FBN2: variants seen among roughly 807,000 people sequenced by gnomAD.
FBN2 encodes fibrillin-2.
Under a neutral mutation model 355.6 loss-of-function variants are expected in FBN2, and 105 were observed. The ratio of observed to expected loss-of-function variants is 0.30; its 90% CI spans 0.25 to 0.35. The LOEUF (loss-of-function observed/expected upper bound fraction) is 0.35. FBN2 is among the 10% of genes least tolerant of loss of function. The probability of loss-of-function intolerance (pLI) is 1.00; values close to 1 mark genes in which losing one functional copy is unlikely to be tolerated. For missense variants in FBN2, 3,280 were observed against 3,758.7 expected (o/e 0.87, Z 3.33); for synonymous variants, 1,350 against 1,301.2 (o/e 1.04, Z -0.81).
chr5:128,373,370 C>A (rs1385116061), intron 15 of FBN2, among the ~76,000 whole-genome samples: 2 of 152,150 alleles, frequency 1.3e-5, no homozygotes, highest in African/African-American at 4.8e-5. Flanking sequence ...TGAAATATCC[C>A]TGAACAAAGT....
At chr5:128,434,246 GA>G (rs1005316982) in intron 7 of FBN2, among the ~76,000 whole-genome samples, 2 of 151,206 alleles carry the variant, frequency 1.3e-5, no homozygotes, top group Admixed American at 1.3e-4. Flanking sequence ...GATTAAGAAA[GA>G]AAGACAATTC....
At chr5:128,442,548 G>C (rs541323457) in intron 7 of FBN2, among the ~76,000 whole-genome samples, 11 of 152,232 alleles carry the variant, frequency 7.2e-5, no homozygotes, top group African/African-American at 2.6e-4. Flanking sequence ...CCTTCTCTTT[G>C]CATGTGAAGA....
intron 48 of FBN2, among the ~76,000 whole-genome samples, chr5:128,297,253 C>T (rs191872687): frequency 3.0e-3 from 460 of 152,200 alleles, no homozygotes; most frequent in Middle Eastern, 6.8e-3. Flanking sequence ...AGCTTTACTT[C>T]CAAGTATGTG....
chr5:128,425,590 ATTAAT>A (rs1216180788), intron 7 of FBN2, among the ~76,000 whole-genome samples: 2 of 152,176 alleles, frequency 1.3e-5, no homozygotes, highest in African/African-American at 2.4e-5. Context: ...CAGTAAGAAC[ATTAAT>A]TTAAGAAGTA....
chr5:128,382,905 A>G (rs541465032), intron 11 of FBN2, among the ~76,000 whole-genome samples: 1 of 152,226 alleles, frequency 6.6e-6, no homozygotes, highest in East Asian at 1.9e-4. Context: ...CTTTGCACTA[A>G]GAAAATAGGG....
chr5:128,267,108 G>A (rs1015845441), intron 62 of FBN2, among the ~76,000 whole-genome samples: 17 of 152,154 alleles, frequency 1.1e-4, no homozygotes, highest in South Asian at 2.1e-4. Context: ...AGTTTGCTGC[G>A]GATGATGATT....
Position 128,307,139 on chromosome 5 carries a change from A to C in FBN2, c.5418T>G (p.Ala1806=). The change falls in exon 42 of 65, where the codon GCT becomes GCG. Residue 1806 remains alanine, a synonymous_variant. Transcript: ENST00000262464. The stretch of plus-strand genomic sequence containing the variant: ...ACATAATCTGGAAAAACTCACCAAC[A>C]GCTTTTCCTGTGTGAATGTCAAAGG... ...GFTFDIHTGK[A]VDIDECKEIP... The C allele has an allele frequency of 1.2e-6, 2 of 1,603,236 alleles. No homozygotes were observed. Among genetic ancestry groups the C allele is most frequent in the South Asian group, 2.2e-5 (2 of 90,818 alleles).
At chr5:128,524,549 A>G (rs1291651678) in intron 4 of FBN2, among the ~76,000 whole-genome samples, 1 of 152,206 alleles carries the variant, frequency 6.6e-6, no homozygotes, top group African/African-American at 2.4e-5. Flanking sequence ...CCAGGAAAGC[A>G]GCTAAGCAGT....
In FBN2 at chr5:128,335,212, A is replaced by G. The variant is rs1235584600; in HGVS notation, c.3931T>C (p.Tyr1311His). ...TCCATGGAAGCCATGAAGCCATCAT[A>G]GCAGAGGCAGCGATACTCTCCAGGA... ...NIPGEYRCLC[Y>H]DGFMASMDMK... The change falls in exon 30 of 65, where the codon TAT becomes CAT. Residue 1311 changes from tyrosine (Y) to histidine (H), a missense_variant. Around this residue, in one of 6 missense-constraint regions of FBN2, gnomAD observed 2,284 missense variants for 2,749.5 expected, o/e 0.83. Transcript: ENST00000262464. The G allele has an allele frequency of 6.2e-7, 1 of 1,614,184 alleles. No individual in the cohort carries two copies. Among genetic ancestry groups the G allele is most frequent in the Admixed American group, 1.7e-5 (1 of 60,014 alleles).
chr5:128,439,996 A>G (rs1753875570), intron 7 of FBN2, among the ~76,000 whole-genome samples: 2 of 152,202 alleles, frequency 1.3e-5, no homozygotes, highest in South Asian at 2.1e-4. Context: ...TCATCTCAAC[A>G]TGATTCACTG....
chr5:128,492,153 T>G (rs972440831), intron 5 of FBN2, among the ~76,000 whole-genome samples: 1 of 152,174 alleles, frequency 6.6e-6, no homozygotes, highest in Non-Finnish European at 1.5e-5. Flanking sequence ...TATTCTGCAA[T>G]TATTCAGTGA....
At chr5:128,496,913 A>G (rs1390702036) in intron 5 of FBN2, among the ~76,000 whole-genome samples, 1 of 151,970 alleles carries the variant, frequency 6.6e-6, no homozygotes, top group African/African-American at 2.4e-5. Flanking sequence ...CTGGAAATAA[A>G]TGTTTCAAAA....
intron 59 of FBN2, among the ~76,000 whole-genome samples, 160 bp from the exon 60 acceptor site, chr5:128,274,843 C>A (rs1162921071): frequency 1.3e-5 from 2 of 152,166 alleles, no homozygotes; most frequent in South Asian, 2.1e-4. Flanking sequence ...CAAACAGTTT[C>A]TTTTTACATA....
In FBN2 at chr5:128,290,914, A is replaced by G. The variant is rs188045597; in HGVS notation, c.6293-30T>C. 18,052 of 1,605,208 alleles carry G rather than the reference A, an allele frequency of 0.011. 127 individuals carry two copies. Among genetic ancestry groups the G allele is most frequent in the Non-Finnish European group, 0.012 (14,620 of 1,172,138 alleles). On this transcript the variant is annotated intron_variant, in intron 49 of 64. Transcript: ENST00000262464. ...TCAAAAAAGCAAACATTACAGATGG[A>G]ATTATTTTGTAACACTGTTTGGACA...
intron 48 of FBN2, among the ~76,000 whole-genome samples, chr5:128,299,082 G>A (rs1422962867): frequency 2.0e-5 from 3 of 152,108 alleles, no homozygotes; most frequent in Non-Finnish European, 4.4e-5. Context: ...GTCTGTTGGA[G>A]TACTGGGCCG....
chr5:128,349,882 G>A (rs1366993371), intron 22 of FBN2, 73 bp downstream of exon 22: 2 of 1,158,624 alleles, frequency 1.7e-6, no homozygotes, highest in Admixed American at 1.7e-5. Flanking sequence ...TATCTCCAAA[G>A]TTTGAGAGTG....
Position 128,291,984 on chromosome 5 carries a change from C to A in FBN2, c.6167-330G>T, listed in dbSNP as rs192593867. Among the ~76,000 whole-genome samples, 80 of 152,112 alleles carry A rather than the reference C, an allele frequency of 5.3e-4. 1 individual carries two copies. Among genetic ancestry groups the A allele is most frequent in the African/African-American group, 1.9e-3 (79 of 41,514 alleles). ...GTGGCCAAATGTTCTATGAACTGGT[C>A]CCCTTCTCCCTGATAACTCTCTCTC... is the stretch of plus-strand genomic sequence containing the variant. On this transcript the variant is annotated intron_variant, in intron 48 of 64. Coordinates refer to ENST00000262464, the MANE Select transcript of FBN2 (RefSeq NM_001999.4).
intron 12 of FBN2, among the ~76,000 whole-genome samples, chr5:128,378,396 A>G (rs536331358): frequency 8.5e-5 from 13 of 152,278 alleles, no homozygotes; most frequent in Admixed American, 5.2e-4. Flanking sequence ...GTAGCACTGA[A>G]GCTGTGAATA....
intron 15 of FBN2, among the ~76,000 whole-genome samples, chr5:128,371,668 G>C (rs964640539): frequency 2.6e-5 from 4 of 151,910 alleles, no homozygotes; most frequent in Non-Finnish European, 5.9e-5. Context: ...TGAGTAGCTG[G>C]GATTACAGGT....
Sources: allele counts gnomAD v4.1 joint callset (sites outside exome capture counted in the v4.1 genomes callset), GRCh38; gene constraint gnomAD v4.1.1; regional missense constraint gnomAD v4.1.1; transcripts MANE v1.5; gene names NCBI Gene and HGNC (gene_info 2026-07-23, HGNC 2026-07-21).